Variants in ZSWIM6 observed in about 807,000 individuals in gnomAD.
ZSWIM6 encodes zinc finger SWIM domain-containing protein 6.
ZSWIM6 carries 9 observed loss-of-function variants against 113.2 expected under a neutral mutation model. That is an observed-to-expected ratio of 0.08 (90% CI 0.05 to 0.14). The LOEUF (loss-of-function observed/expected upper bound fraction) is 0.14. Among genes scored for constraint, ZSWIM6 ranks in the 10% least tolerant of loss-of-function variants. The pLI is 1.00. For synonymous variants in ZSWIM6, 611 were observed against 606.5 expected, an observed-to-expected ratio of 1.01 and a Z score of -0.11; for missense variants, 1,162 against 1,552.2, an observed-to-expected ratio of 0.75 and a Z score of 4.22.
chr5:61,491,166 A>G (rs773146828), intron 3 of ZSWIM6, among the ~76,000 whole-genome samples: 1 of 152,018 alleles, frequency 6.6e-6, no homozygotes, highest in African/African-American at 2.4e-5. Context: ...AATGGTGATA[A>G]TTTATACAAT....
At chr5:61,459,845 T>C (rs1747286846) in intron 1 of ZSWIM6, among the ~76,000 whole-genome samples, 1 of 152,184 alleles carries the variant, frequency 6.6e-6, no homozygotes, top group Non-Finnish European at 1.5e-5. Context: ...CTCTTTCAGG[T>C]CCTCCCGCAA....
At chr5:61,536,089 C>A (rs904484336) in intron 10 of ZSWIM6, among the ~76,000 whole-genome samples, 1 of 152,214 alleles carries the variant, frequency 6.6e-6, no homozygotes, top group Non-Finnish European at 1.5e-5. Flanking sequence ...CATCTGTATT[C>A]ACTGGAGGCT....
chr5:61,533,239 G>A (rs965290232), intron 9 of ZSWIM6, among the ~76,000 whole-genome samples: 8 of 152,206 alleles, frequency 5.3e-5, no homozygotes, highest in African/African-American at 1.4e-4. Context: ...AGTCCAAGGC[G>A]GGGAGGCCAC....
intron 1 of ZSWIM6, among the ~76,000 whole-genome samples, chr5:61,441,379 A>G (rs1746830340): frequency 6.6e-6 from 1 of 152,190 alleles, no homozygotes; most frequent in Admixed American, 6.5e-5. Context: ...AAATGCTTAA[A>G]TATAAATCAT....
intron 4 of ZSWIM6, among the ~76,000 whole-genome samples, chr5:61,512,676 G>A (rs983844742): frequency 2.6e-5 from 4 of 151,942 alleles, no homozygotes; most frequent in Non-Finnish European, 4.4e-5. Flanking sequence ...ATTATAATAC[G>A]TATATAATGG....
At chr5:61,482,150 A>G (rs945143438) in intron 2 of ZSWIM6, among the ~76,000 whole-genome samples, 3 of 152,258 alleles carry the variant, frequency 2.0e-5, no homozygotes, top group Non-Finnish European at 4.4e-5. Flanking sequence ...ACAAGTAGAC[A>G]TAAATTTTGC....
At position 61,490,931 on chromosome 5, in the gene ZSWIM6, A is replaced by G. The variant is rs1440462096; in HGVS notation, c.1179A>G (p.Ala393=). The change falls in exon 3 of 14, where the codon GCA becomes GCG. Residue 393 remains alanine (A), a synonymous_variant. Coordinates refer to ENST00000252744, the MANE Select transcript of ZSWIM6 (RefSeq NM_020928.2). ...GSGKQLNLLF[A]KVREMLKMRD... ...GGAAGCAGCTTAATTTGCTCTTTGC[A>G]AAGGTATGATTGTCTATTTCTAAAG... The G allele has an allele frequency of 5.9e-6, 9 of 1,533,790 alleles. No individual in the cohort carries two copies. Among genetic ancestry groups the G allele is most frequent in the Non-Finnish European group, 7.0e-6 (8 of 1,141,728 alleles).
intron 1 of ZSWIM6, among the ~76,000 whole-genome samples, chr5:61,419,196 A>G (rs1406975823): frequency 6.6e-6 from 1 of 152,234 alleles, no homozygotes; most frequent in Non-Finnish European, 1.5e-5. Context: ...ATTGTGGCCT[A>G]TAGATTAAAG....
At chr5:61,353,353 C>T (rs1744830384) in intron 1 of ZSWIM6, among the ~76,000 whole-genome samples, 1 of 152,204 alleles carries the variant, frequency 6.6e-6, no homozygotes, top group Admixed American at 6.5e-5. Flanking sequence ...AAGGTATTCT[C>T]ATTCTAAGGC....
intron 4 of ZSWIM6, among the ~76,000 whole-genome samples, chr5:61,498,656 A>G (rs1748382851): frequency 6.6e-6 from 1 of 152,094 alleles, no homozygotes. Context: ...TTGAGACTAT[A>G]TTTTTTGAAT....
intron 1 of ZSWIM6, among the ~76,000 whole-genome samples, chr5:61,443,424 A>G (rs571943414): frequency 6.6e-6 from 1 of 152,312 alleles, no homozygotes; most frequent in Non-Finnish European, 1.5e-5. Context: ...GTTAAACACC[A>G]CTTCAGATTT....
chr5:61,383,925 CTT>C, intron 1 of ZSWIM6, among the ~76,000 whole-genome samples: 1 of 151,670 alleles, frequency 6.6e-6, no homozygotes, highest in Non-Finnish European at 1.5e-5. Context: ...AAACAAAAAA[CTT>C]ATGCTAACAT....
intron 1 of ZSWIM6, among the ~76,000 whole-genome samples, chr5:61,464,613 G>A (rs1409247697): frequency 1.3e-5 from 2 of 152,090 alleles, no homozygotes; most frequent in East Asian, 3.9e-4. Context: ...TGAGGGATCA[G>A]GTGAGAGCTC....
At chr5:61,473,642 G>T (rs1249956297) in intron 2 of ZSWIM6, among the ~76,000 whole-genome samples, 1 of 152,056 alleles carries the variant, frequency 6.6e-6, no homozygotes, top group Non-Finnish European at 1.5e-5. Context: ...GAATATATAG[G>T]TGCAACTTTT....
At chr5:61,500,806 A>C (rs1445911030) in intron 4 of ZSWIM6, among the ~76,000 whole-genome samples, 1 of 152,170 alleles carries the variant, frequency 6.6e-6, no homozygotes, top group African/African-American at 2.4e-5. Context: ...TGAAGTTTGT[A>C]TCCCATTTTC....
intron 1 of ZSWIM6, among the ~76,000 whole-genome samples, chr5:61,456,943 T>C (rs181526178): frequency 8.6e-4 from 131 of 151,546 alleles, no homozygotes; most frequent in African/African-American, 3.1e-3. Flanking sequence ...TTAGGGTACA[T>C]GTGCACATTG....
At chr5:61,375,524 G>A (rs1276716726) in intron 1 of ZSWIM6, 9 of 1,552,370 alleles carry the variant, frequency 5.8e-6, no homozygotes, top group East Asian at 4.8e-5. Flanking sequence ...AAGAAGAACC[G>A]TTCACATAAA....
chr5:61,440,605 C>T (rs1241483554), intron 1 of ZSWIM6, among the ~76,000 whole-genome samples: 1 of 152,124 alleles, frequency 6.6e-6, no homozygotes, highest in African/African-American at 2.4e-5. Flanking sequence ...GTTAAATAAA[C>T]CTTGCTTTTA....
At chr5:61,379,052 G>A (rs568824151) in intron 1 of ZSWIM6, among the ~76,000 whole-genome samples, 4 of 151,704 alleles carry the variant, frequency 2.6e-5, no homozygotes, top group East Asian at 3.9e-4. Flanking sequence ...GTCGTGGTGC[G>A]TGCCTATAAT....
Sources: allele counts gnomAD v4.1 joint callset (sites outside exome capture counted in the v4.1 genomes callset), GRCh38; gene constraint gnomAD v4.1.1; transcripts MANE v1.5; gene names NCBI Gene and HGNC (gene_info 2026-07-23, HGNC 2026-07-21).